SLC10A7: variants seen among roughly 807,000 people sequenced by gnomAD.
The protein encoded by SLC10A7 is sodium/bile acid cotransporter 7.
Under a neutral mutation model 43.2 loss-of-function variants are expected in SLC10A7, and 29 were observed. The ratio of observed to expected loss-of-function variants is 0.67; its 90% CI spans 0.50 to 0.92. The LOEUF (loss-of-function observed/expected upper bound fraction) is 0.92, where lower values mean the gene tolerates loss of function less well. Ranked by LOEUF, SLC10A7 falls within the 40% of genes least tolerant of loss-of-function variation. The pLI, the probability that SLC10A7 is intolerant of heterozygous loss-of-function variation, is 0.00. For missense variants in SLC10A7, 295 were observed against 403.2 expected (o/e 0.73, Z 2.30); for synonymous variants, 152 against 144.8 (o/e 1.05, Z -0.35).
intron 5 of SLC10A7, among the ~76,000 whole-genome samples, chr4:146,353,886 T>C (rs965156568): frequency 1.5e-5 from 2 of 130,138 alleles, no homozygotes; most frequent in Non-Finnish European, 3.2e-5. Flanking sequence ...TGGGACGTAT[T>C]TCAAAAAAAT....
chr4:146,456,985 T>G (rs1732119281), intron 4 of SLC10A7, among the ~76,000 whole-genome samples: 1 of 151,954 alleles, frequency 6.6e-6, no homozygotes, highest in Non-Finnish European at 1.5e-5. Context: ...GATATATTTT[T>G]AAATTATACA....
chr4:146,488,004 T>C (rs1175586744), intron 4 of SLC10A7, among the ~76,000 whole-genome samples: 1 of 151,972 alleles, frequency 6.6e-6, no homozygotes, highest in African/African-American at 2.4e-5. Context: ...CTGGGAAATA[T>C]AGTGGAACTC....
intron 4 of SLC10A7, among the ~76,000 whole-genome samples, chr4:146,453,949 G>A (rs1289943288): frequency 6.6e-6 from 1 of 151,874 alleles, no homozygotes. Flanking sequence ...AAACAATGAA[G>A]TAACATAGCT....
At chr4:146,361,075 C>T (rs1313883702) in intron 5 of SLC10A7, among the ~76,000 whole-genome samples, 1 of 152,044 alleles carries the variant, frequency 6.6e-6, no homozygotes, top group Non-Finnish European at 1.5e-5. Flanking sequence ...GGATTAAAGT[C>T]TTTAACATAT....
chr4:146,338,592 C>G (rs1578922618), intron 5 of SLC10A7, among the ~76,000 whole-genome samples: 1 of 151,950 alleles, frequency 6.6e-6, no homozygotes, highest in Admixed American at 6.6e-5. Context: ...CCTCACTTTA[C>G]AAACTGAAAA....
chr4:146,444,067 A>G (rs2149894565), intron 4 of SLC10A7, among the ~76,000 whole-genome samples: 1 of 152,354 alleles, frequency 6.6e-6, no homozygotes, highest in African/African-American at 2.4e-5. Context: ...ATTACAGATG[A>G]CAATTGTAAA....
intron 5 of SLC10A7, among the ~76,000 whole-genome samples, chr4:146,384,002 C>T (rs1222341960): frequency 6.6e-6 from 1 of 152,080 alleles, no homozygotes; most frequent in Non-Finnish European, 1.5e-5. Flanking sequence ...TCGTTTCAAA[C>T]ACTCTGGGTC....
At chr4:146,381,325 A>C (rs2149791728) in intron 5 of SLC10A7, among the ~76,000 whole-genome samples, 1 of 152,270 alleles carries the variant, frequency 6.6e-6, no homozygotes, top group Middle Eastern at 3.4e-3. Context: ...AGCTATGTGA[A>C]CTTTTGTAAA....
At chr4:146,470,313 T>C (rs1317366999) in intron 4 of SLC10A7, among the ~76,000 whole-genome samples, 2 of 152,104 alleles carry the variant, frequency 1.3e-5, no homozygotes, top group Non-Finnish European at 2.9e-5. Flanking sequence ...GAAATATCCC[T>C]AGGTATACTA....
chr4:146,257,097 T>C (rs1327951811), intron 11 of SLC10A7, among the ~76,000 whole-genome samples: 1 of 152,212 alleles, frequency 6.6e-6, no homozygotes, highest in African/African-American at 2.4e-5. Context: ...TTGATGAGTA[T>C]TAGGATTTTC....
At chr4:146,256,817 C>T (rs1727916856) in intron 11 of SLC10A7, 1 of 1,521,190 alleles carries the variant, frequency 6.6e-7, no homozygotes, top group Non-Finnish European at 8.8e-7. Flanking sequence ...AGGAGGCACT[C>T]ATGGATACCT....
intron 2 of SLC10A7, among the ~76,000 whole-genome samples, chr4:146,515,326 G>A (rs561465243): frequency 1.1e-3 from 169 of 152,304 alleles, no homozygotes; most frequent in Non-Finnish European, 2.0e-3. Context: ...CTCCAAGCAA[G>A]ATCAGTCCAA....
intron 10 of SLC10A7, among the ~76,000 whole-genome samples, chr4:146,264,373 G>C (rs1002515694): frequency 2.0e-5 from 3 of 151,996 alleles, no homozygotes; most frequent in African/African-American, 4.8e-5. Context: ...TCCACTGAAG[G>C]CTGCTCTATT....
chr4:146,322,375 C>T (rs1185851227), intron 6 of SLC10A7, among the ~76,000 whole-genome samples: 1 of 135,792 alleles, frequency 7.4e-6, no homozygotes, highest in Admixed American at 7.7e-5. Context: ...CCCCCCTCCC[C>T]CACCCCATAA....
intron 4 of SLC10A7, among the ~76,000 whole-genome samples, chr4:146,503,437 C>T (rs1736601199): frequency 6.6e-6 from 1 of 152,126 alleles, no homozygotes; most frequent in African/African-American, 2.4e-5. Flanking sequence ...TTATATCATC[C>T]TCACTTGCCA....
intron 6 of SLC10A7, among the ~76,000 whole-genome samples, chr4:146,321,813 CAT>C (rs1324386605): frequency 5.9e-5 from 9 of 152,194 alleles, no homozygotes; most frequent in African/African-American, 2.2e-4. Flanking sequence ...GTTACTTGCT[CAT>C]TATTTGCTCA....
At position 146,290,456 on chromosome 4, in the gene SLC10A7, T is replaced by C. The variant is rs527618664; in HGVS notation, c.773+2473A>G. Among the ~76,000 whole-genome samples the C allele has an allele frequency of 3.3e-5, 5 of 151,862 alleles. No homozygotes were observed. In the South Asian group the frequency reaches 1.0e-3, roughly 32 times the overall value. ...TCGAAGTAAATCATTAGTAGATGAC[T>C]ATGGCAGGGGACAGGGCGGGGAGGG... On this transcript the variant is annotated intron_variant, in intron 9 of 11. Transcript: ENST00000335472.
At chr4:146,472,128 A>T (rs868490283) in intron 4 of SLC10A7, among the ~76,000 whole-genome samples, 1 of 152,220 alleles carries the variant, frequency 6.6e-6, no homozygotes, top group Non-Finnish European at 1.5e-5. Context: ...TAACTGAGGG[A>T]CAAACATTAA....
At chr4:146,364,894 T>G (rs1170560935) in intron 5 of SLC10A7, among the ~76,000 whole-genome samples, 1 of 152,072 alleles carries the variant, frequency 6.6e-6, no homozygotes, top group Non-Finnish European at 1.5e-5. Context: ...ATGTACCCCA[T>G]AAATATATAC....
Sources: allele counts gnomAD v4.1 joint callset (sites outside exome capture counted in the v4.1 genomes callset), GRCh38; gene constraint gnomAD v4.1.1; transcripts MANE v1.5; gene names NCBI Gene and HGNC (gene_info 2026-07-23, HGNC 2026-07-21).